INPP5A: variants seen among roughly 807,000 people sequenced by gnomAD.
INPP5A encodes 43 kDa inositol polyphosphate 5-phophatase.
In INPP5A, 14 loss-of-function variants were observed where a neutral mutation model predicts 65.2. The ratio of observed to expected loss-of-function variants is 0.21; its 90% CI spans 0.14 to 0.34. The LOEUF is 0.34. Ranked by LOEUF, INPP5A falls within the 10% of genes least tolerant of loss-of-function variation. INPP5A has a pLI of 1.00. For synonymous variants in INPP5A, 207 were observed against 208.3 expected (o/e 0.99, Z 0.05); for missense variants, 431 against 545.6 (o/e 0.79, Z 2.09).
intron 1 of INPP5A, among the ~76,000 whole-genome samples, chr10:132,589,255 C>T (rs2819721): frequency 0.25 from 38,171 of 152,258 alleles, 5,547 homozygotes; most frequent in East Asian, 0.5. Context: ...GGTCGTTTGA[C>T]AGGCGGCACC....
Position 132,753,978 on chromosome 10 carries a change from G to T in INPP5A, c.903+4133G>T, listed in dbSNP as rs375994626. ...TACAAATTATCAATTCAACAGCAAC[G>T]TGCGCAGTTTCTAATCAGAAACCTC... On this transcript the variant is annotated intron_variant, in intron 11 of 15. Transcript: ENST00000368594. The surrounding 1 kb of genome is among the most constrained non-coding windows in gnomAD (Gnocchi z 5.3). The T allele has an allele frequency of 6.6e-6, 1 of 152,244 alleles. No homozygotes were observed. The highest frequency in any genetic ancestry group is 1.9e-4 in the East Asian group (1 of 5,200). The allele number at this position is 152,244 out of a possible 1,614,324, so 9.4% of individuals were successfully genotyped here.
intron 1 of INPP5A, among the ~76,000 whole-genome samples, chr10:132,560,373 G>A (rs562749099): frequency 2.6e-4 from 39 of 152,284 alleles, no homozygotes; most frequent in African/African-American, 9.1e-4. Flanking sequence ...AGCATTTTTC[G>A]TTCTTGTGAG....
chr10:132,634,555 G>A (rs1192634420), intron 2 of INPP5A, among the ~76,000 whole-genome samples: 1 of 152,264 alleles, frequency 6.6e-6, no homozygotes, highest in African/African-American at 2.4e-5. Flanking sequence ...TTGACTGCTT[G>A]TGTGTGTTGG....
intron 4 of INPP5A, among the ~76,000 whole-genome samples, chr10:132,656,768 G>C (rs942297013): frequency 7.2e-5 from 11 of 152,214 alleles, no homozygotes; most frequent in Admixed American, 5.9e-4. Flanking sequence ...AGACAGTTTG[G>C]AGGGGCCCAG....
chr10:132,683,001 G>A (rs2073068251), intron 4 of INPP5A, among the ~76,000 whole-genome samples: 1 of 151,302 alleles, frequency 6.6e-6, no homozygotes, highest in Non-Finnish European at 1.5e-5. Context: ...GTACACGTGT[G>A]TGTTATCCTA....
chr10:132,769,884 A>G (rs1457106019), intron 12 of INPP5A, among the ~76,000 whole-genome samples: 1 of 151,158 alleles, frequency 6.6e-6, no homozygotes, highest in Non-Finnish European at 1.5e-5. Context: ...CAGTGGTAGC[A>G]TGGAGCTGCT....
At chr10:132,585,216 C>G (rs1341865969) in intron 1 of INPP5A, among the ~76,000 whole-genome samples, 1 of 152,156 alleles carries the variant, frequency 6.6e-6, no homozygotes, top group South Asian at 2.1e-4. Flanking sequence ...AAGTTATTAA[C>G]AGGTACCTAA....
At chr10:132,745,407 G>A (rs539123572) in intron 9 of INPP5A, among the ~76,000 whole-genome samples, 2 of 152,340 alleles carry the variant, frequency 1.3e-5, no homozygotes, top group South Asian at 2.1e-4. Flanking sequence ...TGGACTCTCC[G>A]TGTGGCAGGA....
At chr10:132,756,584 G>A (rs543857501) in intron 11 of INPP5A, among the ~76,000 whole-genome samples, 20 of 152,342 alleles carry the variant, frequency 1.3e-4, no homozygotes, top group Non-Finnish European at 2.6e-4. Flanking sequence ...GAGCCGCTGC[G>A]CCGCCTGCTG....
chr10:132,591,189 A>G (rs2071614979), intron 1 of INPP5A, among the ~76,000 whole-genome samples: 1 of 152,222 alleles, frequency 6.6e-6, no homozygotes, highest in South Asian at 2.1e-4. Flanking sequence ...TCTGTGATAT[A>G]TATTGCAAAT....
chr10:132,543,162 G>A (rs1341957882), intron 1 of INPP5A, among the ~76,000 whole-genome samples: 1 of 152,114 alleles, frequency 6.6e-6, no homozygotes, highest in African/African-American at 2.4e-5. Flanking sequence ...TTCACAGGGT[G>A]TGCAGCTGTC....
intron 8 of INPP5A, 125 bp downstream of exon 8, chr10:132,710,581 G>A (rs1845618002): frequency 2.4e-5 from 31 of 1,293,858 alleles, no homozygotes; most frequent in Non-Finnish European, 3.3e-5. Flanking sequence ...TGGGTGGACA[G>A]GTAGGTGGGG....
chr10:132,722,388 C>G (rs1845900164), intron 8 of INPP5A, among the ~76,000 whole-genome samples: 1 of 152,208 alleles, frequency 6.6e-6, no homozygotes, highest in South Asian at 2.1e-4. Flanking sequence ...GCACTAGCTC[C>G]TCCTTGGGGG....
intron 1 of INPP5A, among the ~76,000 whole-genome samples, chr10:132,579,953 T>A (rs2071461558): frequency 1.3e-5 from 2 of 149,816 alleles, no homozygotes; most frequent in Non-Finnish European, 3.0e-5. Flanking sequence ...AGTCTTGCTA[T>A]CTTGCCTAGG....
intron 4 of INPP5A, among the ~76,000 whole-genome samples, chr10:132,665,193 G>A (rs1421080772): frequency 6.6e-6 from 1 of 152,194 alleles, no homozygotes; most frequent in Admixed American, 6.5e-5. Context: ...CAAAGAAGGG[G>A]GACAGACGGA....
Position 132,780,854 on chromosome 10 carries a change from G to A in INPP5A, c.1095G>A (p.Glu365=). 6.2e-7 allele frequency: 1 copy of A among 1,613,286 alleles called. No homozygotes were observed. The highest frequency in any genetic ancestry group is 8.5e-7 in the Non-Finnish European group (1 of 1,179,838). ...PSAKELVLRS[E]SEEKVVTYDH... Reference sequence around the variant, plus strand: ...TGTCTGTTTCCCCTTTCCAGTCGGAGAGCGAGGAGAAGGTTGTCACCTATG... The same window carrying A: ...TGTCTGTTTCCCCTTTCCAGTCGGAAAGCGAGGAGAAGGTTGTCACCTATG... Residue 365 remains glutamate, a synonymous_variant, in exon 14 of 16, where the codon GAG becomes GAA. Transcript: ENST00000368594.
intron 4 of INPP5A, among the ~76,000 whole-genome samples, chr10:132,688,672 TGTG>T (rs1564965266): frequency 6.6e-6 from 1 of 150,384 alleles, no homozygotes; most frequent in Non-Finnish European, 1.5e-5. Flanking sequence ...TGTGAACAAG[TGTG>T]TGCGTGTGCA....
chr10:132,774,308 G>A (rs890451815), intron 12 of INPP5A, among the ~76,000 whole-genome samples: 10 of 152,316 alleles, frequency 6.6e-5, no homozygotes, highest in South Asian at 2.1e-4. Context: ...TGTCAGAACC[G>A]TTTTCTCTGT....
At chr10:132,712,470 ATG>A (rs775678654) in intron 8 of INPP5A, among the ~76,000 whole-genome samples, 22 of 130,386 alleles carry the variant, frequency 1.7e-4, no homozygotes, top group African/African-American at 5.7e-4. Context: ...TGTGGTGTGG[ATG>A]TGTGTGGGTA....
Sources: allele counts gnomAD v4.1 joint callset (sites outside exome capture counted in the v4.1 genomes callset), GRCh38; gene constraint gnomAD v4.1.1; non-coding constraint Gnocchi (gnomAD v3.1); transcripts MANE v1.5; gene names NCBI Gene and HGNC (gene_info 2026-07-23, HGNC 2026-07-21).